TRMT9B: variants seen among roughly 807,000 people sequenced by gnomAD.
TRMT9B encodes the protein tRNA methyltransferase 9B (putative), also known as probable tRNA methyltransferase 9B.
TRMT9B carries 16 observed loss-of-function variants against 11.5 expected under a neutral mutation model. That is an observed-to-expected ratio of 1.39 (90% CI 0.94 to 2.11). The LOEUF (loss-of-function observed/expected upper bound fraction) is 2.11, where lower values mean the gene tolerates loss of function less well. Ranked by LOEUF, TRMT9B falls within the 30% of genes most tolerant of loss-of-function variation. The probability of loss-of-function intolerance (pLI) is 0.00; values close to 1 mark genes in which losing one functional copy is unlikely to be tolerated. For synonymous variants in TRMT9B, 274 were observed against 192.4 expected (o/e 1.42, Z -3.51); for missense variants, 941 against 553.8 (o/e 1.70, Z -7.02).
intron 2 of TRMT9B, among the ~76,000 whole-genome samples, chr8:12,995,347 T>A (rs753130266): frequency 7.2e-5 from 11 of 152,246 alleles, no homozygotes; most frequent in Non-Finnish European, 1.2e-4. Context: ...TAAATCTAGT[T>A]TGAGTGCTAA....
intron 3 of TRMT9B, among the ~76,000 whole-genome samples, chr8:13,008,175 A>G (rs1381297879): frequency 6.6e-6 from 1 of 152,206 alleles, no homozygotes; most frequent in African/African-American, 2.4e-5. Flanking sequence ...TCATTATTTC[A>G]TAAACATTGG....
Position 13,021,191 on chromosome 8 carries a change from A to G in TRMT9B, c.512A>G (p.Glu171Gly). 6.2e-7 allele frequency: 1 copy of G among 1,613,780 alleles called. No homozygotes were observed. Among genetic ancestry groups the G allele is most frequent in the Non-Finnish European group, 8.5e-7 (1 of 1,179,786 alleles). Reference protein sequence around the residue: ...NRALCSQLFSESSQSGRKRQC... With the variant: ...NRALCSQLFSGSSQSGRKRQC... Reference sequence around the variant, plus strand: ...GCTCTGTGTTCCCAGCTCTTCTCAGAGTCCAGCCAGTCTGGGAGGAAGAGG... The same window carrying G: ...GCTCTGTGTTCCCAGCTCTTCTCAGGGTCCAGCCAGTCTGGGAGGAAGAGG... The change falls in exon 5 of 5, where the codon GAG becomes GGG. Residue 171 changes from glutamate to glycine, a missense_variant. By Grantham distance (98) the Glu-to-Gly change is moderately conservative. Coordinates refer to ENST00000524591, the MANE Select transcript of TRMT9B (RefSeq NM_020844.3).
In TRMT9B at chr8:13,006,357, G is replaced by A; in HGVS notation, c.154+1G>A. The A allele has an allele frequency of 1.3e-6, 2 of 1,598,824 alleles. No homozygotes were observed. The highest frequency in any genetic ancestry group is 1.7e-5 in the Admixed American group (1 of 59,280). On this transcript the variant is annotated splice_donor_variant, in intron 3 of 4. Coordinates refer to ENST00000524591, the MANE Select transcript of TRMT9B (RefSeq NM_020844.3). LOFTEE classifies it high-confidence loss of function. ...CCAGGCAGCCTCATCGCTGACATAG[G>A]TAACCAGGCAGCCTCATCGCTGACA...
chr8:12,978,913 G>A (rs759700663), intron 1 of TRMT9B, among the ~76,000 whole-genome samples: 42 of 152,212 alleles, frequency 2.8e-4, no homozygotes, highest in Non-Finnish European at 4.9e-4. Context: ...TGCAGAATCT[G>A]TATGCGTGGA....
At chr8:13,016,552 A>G (rs893060618) in intron 4 of TRMT9B, among the ~76,000 whole-genome samples, 13 of 151,704 alleles carry the variant, frequency 8.6e-5, no homozygotes, top group Admixed American at 6.6e-4. Context: ...TTGCTTTTCC[A>G]CATCTTTTAA....
chr8:12,981,525 A>G (rs1468712383), intron 1 of TRMT9B, among the ~76,000 whole-genome samples: 2 of 152,134 alleles, frequency 1.3e-5, no homozygotes, highest in African/African-American at 4.8e-5. Flanking sequence ...CCATTATATT[A>G]TCTGTTTCCC....
At position 12,945,760 on chromosome 8, in the gene TRMT9B, ATTCTTTT is replaced by A. The variant is rs1800235792; in HGVS notation, c.-402_-396del. ...TCTTTTGGCTTTTTTTCTTTGTTTT[ATTCTTTT>A]TTCATTTTTTGTGTTTTTTGTTAGT... On this transcript the variant is annotated 5_prime_UTR_variant, in exon 1 of 5. An upstream open reading frame in the 5' UTR loses its in-frame stop. Transcript: ENST00000524591. 6.6e-6 allele frequency: 1 copy of A among 152,040 alleles called. No homozygotes were observed. The highest frequency in any genetic ancestry group is 6.6e-5 in the Admixed American group (1 of 15,266). 9.4% of individuals were successfully genotyped at this position (152,040 alleles called of 1,614,324 possible).
intron 2 of TRMT9B, among the ~76,000 whole-genome samples, chr8:12,992,894 C>A (rs1297672046): frequency 6.6e-6 from 1 of 151,932 alleles, no homozygotes; most frequent in East Asian, 1.9e-4. Context: ...AAAAATAAGT[C>A]CTGGAATGGA....
At chr8:13,002,377 T>A (rs1809604612) in intron 2 of TRMT9B, among the ~76,000 whole-genome samples, 2 of 152,228 alleles carry the variant, frequency 1.3e-5, no homozygotes, top group African/African-American at 4.8e-5. Flanking sequence ...TAAAATCTAC[T>A]GAGATTTTGA....
chr8:12,999,088 C>T (rs977320514), intron 2 of TRMT9B, among the ~76,000 whole-genome samples: 1 of 151,956 alleles, frequency 6.6e-6, no homozygotes, highest in East Asian at 1.9e-4. Flanking sequence ...ATCATGAGGT[C>T]AGATGTTCAA....
At chr8:12,984,878 C>T (rs77430429) in intron 1 of TRMT9B, among the ~76,000 whole-genome samples, 219 of 151,728 alleles carry the variant, frequency 1.4e-3, no homozygotes, top group African/African-American at 4.7e-3. Flanking sequence ...GGTAACTGAT[C>T]TCATGACCAA....
At chr8:12,959,965 T>C (rs761964655) in intron 1 of TRMT9B, 2 of 152,220 alleles carry the variant, frequency 1.3e-5, no homozygotes, top group Non-Finnish European at 2.9e-5. Context: ...GCTGTGGAAG[T>C]AGACACCTGA....
intron 2 of TRMT9B, among the ~76,000 whole-genome samples, chr8:13,002,955 A>G (rs1809739952): frequency 6.6e-6 from 1 of 152,040 alleles, no homozygotes; most frequent in Non-Finnish European, 1.5e-5. Flanking sequence ...CCTCAGGGTG[A>G]TCACTCCCTC....
chr8:12,978,826 G>C (rs948851718), intron 1 of TRMT9B, among the ~76,000 whole-genome samples: 3 of 152,198 alleles, frequency 2.0e-5, no homozygotes, highest in African/African-American at 7.2e-5. Context: ...GTGGAGTCCA[G>C]ACTCCCTGGT....
chr8:12,950,135 T>C (rs1800478735), intron 1 of TRMT9B, among the ~76,000 whole-genome samples: 1 of 152,170 alleles, frequency 6.6e-6, no homozygotes, highest in Non-Finnish European at 1.5e-5. Flanking sequence ...ATAACAGGCA[T>C]GAGCCACCTC....
At chr8:12,957,577 T>C (rs1349800664) in intron 1 of TRMT9B, among the ~76,000 whole-genome samples, 1 of 152,180 alleles carries the variant, frequency 6.6e-6, no homozygotes, top group African/African-American at 2.4e-5. Context: ...AGATGACTTA[T>C]TGTTCAAGCC....
intron 3 of TRMT9B, chr8:13,010,893 TA>T (rs1811465578): frequency 1.0e-6 from 1 of 959,602 alleles, no homozygotes; most frequent in Admixed American, 6.2e-5. Flanking sequence ...TCATAATCAT[TA>T]TTGGGAACAG....
intron 2 of TRMT9B, among the ~76,000 whole-genome samples, chr8:12,994,564 T>C (rs1807992743): frequency 6.6e-6 from 1 of 152,220 alleles, no homozygotes; most frequent in Non-Finnish European, 1.5e-5. Flanking sequence ...TCAAGTTTGC[T>C]ACTTTCCCTG....
At chr8:13,010,497 A>T (rs1811391615) in intron 3 of TRMT9B, 1 of 984,222 alleles carries the variant, frequency 1.0e-6, no homozygotes, top group African/African-American at 1.7e-5. Context: ...TTGGATTAAA[A>T]AATATTTAAA....
Sources: gnomAD v4.1 joint callset for allele counts (sites outside exome capture counted in the v4.1 genomes callset) on GRCh38, gnomAD v4.1.1 for gene constraint, MANE v1.5 for transcripts, NCBI Gene and HGNC (gene_info 2026-07-23, HGNC 2026-07-21) for gene names.